MBNL2: variants seen among roughly 807,000 people sequenced by gnomAD.
The protein encoded by MBNL2 is muscleblind-like protein 2.
A neutral mutation model predicts 41.9 loss-of-function variants in MBNL2; 17 were observed. The observed-to-expected ratio is 0.41, with a 90% confidence interval of 0.28 to 0.61. The LOEUF (loss-of-function observed/expected upper bound fraction) is 0.61. Among genes scored for constraint, MBNL2 ranks in the 20% least tolerant of loss-of-function variants. MBNL2 has a pLI of 0.35. For missense variants in MBNL2, 336 were observed against 505.6 expected (o/e 0.66, Z 3.22); for synonymous variants, 195 against 182.9 (o/e 1.07, Z -0.53).
chr13:97,181,521 A>G, the MBNL2 span, among the ~76,000 whole-genome samples: 1 of 152,196 alleles, frequency 6.6e-6, no homozygotes, highest in Non-Finnish European at 1.5e-5. Flanking sequence ...TGCTGAAACC[A>G]AGTTGTTTTT....
At position 97,276,058 on chromosome 13, in the gene MBNL2, T is replaced by C; in HGVS notation, c.-178T>C. The C allele has an allele frequency of 1.9e-6, 1 of 539,724 alleles. No individual in the cohort carries two copies. The highest frequency in any genetic ancestry group is 3.3e-6 in the Non-Finnish European group (1 of 304,284). 33.4% of individuals were successfully genotyped at this position (539,724 alleles called of 1,614,324 possible). ...GTGGGACATATTGATTGATGAGTGA[T>C]TGCCTGTCCATACACTCTCTCATCA... On this transcript the variant is annotated 5_prime_UTR_variant, in exon 2 of 9. Transcript: ENST00000679496.
intron 1 of MBNL2, among the ~76,000 whole-genome samples, chr13:97,271,314 G>T (rs1403140018): frequency 1.3e-5 from 2 of 151,844 alleles, no homozygotes; most frequent in Non-Finnish European, 2.9e-5. Context: ...CGCCATGTTG[G>T]CCAGGCTGGT....
the MBNL2 span, among the ~76,000 whole-genome samples, chr13:97,193,205 G>A: frequency 6.6e-6 from 1 of 152,226 alleles, no homozygotes; most frequent in Non-Finnish European, 1.5e-5. Context: ...AGGAACAGCA[G>A]TTCCGCTCTC....
At chr13:97,176,361 C>T in the MBNL2 span, among the ~76,000 whole-genome samples, 2 of 152,076 alleles carry the variant, frequency 1.3e-5, no homozygotes, top group East Asian at 1.9e-4. Context: ...GAATTAAATA[C>T]CCTGGCCAAG....
chr13:97,309,390 A>G (rs73557668), intron 2 of MBNL2, among the ~76,000 whole-genome samples: 2,681 of 152,278 alleles, frequency 0.018, 72 homozygotes, highest in African/African-American at 0.061. Context: ...TGAGGTCATC[A>G]GGGTGTCTTA....
At chr13:97,297,784 A>T (rs1566401446) in intron 2 of MBNL2, among the ~76,000 whole-genome samples, 2 of 152,184 alleles carry the variant, frequency 1.3e-5, no homozygotes, top group African/African-American at 4.8e-5. Flanking sequence ...TCCCAGTTTC[A>T]AGAGGTCTGA....
intron 8 of MBNL2, among the ~76,000 whole-genome samples, chr13:97,375,758 A>G (rs2153145787): frequency 6.6e-6 from 1 of 152,334 alleles, no homozygotes; most frequent in South Asian, 2.1e-4. Context: ...CTTCCTCGAT[A>G]GCATGTGTGG....
chr13:97,148,088 T>C, the MBNL2 span, among the ~76,000 whole-genome samples: 1 of 152,102 alleles, frequency 6.6e-6, no homozygotes, highest in Non-Finnish European at 1.5e-5. Flanking sequence ...AGAAAGAAGA[T>C]GCTGAGCGAC....
At chr13:97,249,145 ATCG>A (rs993125733) in intron 1 of MBNL2, among the ~76,000 whole-genome samples, 1 of 152,242 alleles carries the variant, frequency 6.6e-6, no homozygotes, top group Non-Finnish European at 1.5e-5. Context: ...TGCCTACTAT[ATCG>A]TCGTAATGGG....
At chr13:97,349,072 A>G (rs1489605193) in intron 5 of MBNL2, among the ~76,000 whole-genome samples, 3 of 152,142 alleles carry the variant, frequency 2.0e-5, no homozygotes, top group African/African-American at 7.2e-5. Context: ...TTAATCTCTG[A>G]GTCCTTTTCT....
intron 1 of MBNL2, among the ~76,000 whole-genome samples, chr13:97,265,449 T>C (rs2049543012): frequency 6.6e-6 from 1 of 152,220 alleles, no homozygotes; most frequent in South Asian, 2.1e-4. Flanking sequence ...GACACGGTTC[T>C]TTCTCTAGTT....
chr13:97,180,497 G>A, the MBNL2 span, among the ~76,000 whole-genome samples: 5 of 152,038 alleles, frequency 3.3e-5, no homozygotes, highest in African/African-American at 9.7e-5. Context: ...AGCACTTTGG[G>A]AAGCTGAGGC....
the MBNL2 span, among the ~76,000 whole-genome samples, chr13:97,176,142 C>G: frequency 6.6e-6 from 1 of 152,136 alleles, no homozygotes; most frequent in Admixed American, 6.5e-5. Flanking sequence ...AGTTAAATCT[C>G]AGCATATCCT....
chr13:97,245,271 TGAA>T (rs2045228173), intron 1 of MBNL2, among the ~76,000 whole-genome samples: 1 of 152,162 alleles, frequency 6.6e-6, no homozygotes, highest in Admixed American at 6.5e-5. Context: ...AAAACTTGCT[TGAA>T]GAAGTTTTTG....
At chr13:97,349,138 A>G (rs1566433771) in intron 5 of MBNL2, among the ~76,000 whole-genome samples, 2 of 152,024 alleles carry the variant, frequency 1.3e-5, no homozygotes, top group African/African-American at 2.4e-5. Flanking sequence ...ATTGGACCTA[A>G]TATTTTTTTA....
the MBNL2 span, among the ~76,000 whole-genome samples, chr13:97,177,554 A>G: frequency 1.3e-5 from 2 of 152,222 alleles, no homozygotes; most frequent in African/African-American, 4.8e-5. Flanking sequence ...AAAGAATAAT[A>G]TAAAAACAGG....
At chr13:97,203,923 CGGAT>C in the MBNL2 span, among the ~76,000 whole-genome samples, 2 of 149,710 alleles carry the variant, frequency 1.3e-5, no homozygotes, top group African/African-American at 4.9e-5. Flanking sequence ...GATGGACGGA[CGGAT>C]GAATGGATGG....
chr13:97,283,232 A>C (rs2053784484), intron 2 of MBNL2, among the ~76,000 whole-genome samples: 1 of 118,526 alleles, frequency 8.4e-6, no homozygotes, highest in African/African-American at 2.7e-5. Flanking sequence ...GTTCAGGTTC[A>C]GTCATCAGCT....
chr13:97,305,147 AG>A (rs2058012421), intron 2 of MBNL2, among the ~76,000 whole-genome samples: 1 of 152,252 alleles, frequency 6.6e-6, no homozygotes, highest in Non-Finnish European at 1.5e-5. Context: ...AATTCCAGTT[AG>A]CATCTTGACT....
Sources: gnomAD v4.1 joint callset for allele counts (sites outside exome capture counted in the v4.1 genomes callset) on GRCh38, gnomAD v4.1.1 for gene constraint, MANE v1.5 for transcripts, NCBI Gene and HGNC (gene_info 2026-07-23, HGNC 2026-07-21) for gene names.